Variants in ACBD6 observed in about 807,000 individuals in gnomAD.
ACBD6 encodes acyl-CoA binding domain containing 6.
In ACBD6, 28 loss-of-function variants were observed where a neutral mutation model predicts 37.2. The ratio of observed to expected loss-of-function variants is 0.75; its 90% CI spans 0.56 to 1.03. ACBD6 has a LOEUF of 1.03. ACBD6 is among the 50% of genes least tolerant of loss of function. ACBD6 has a pLI of 0.00. For missense variants in ACBD6, 340 were observed against 337.4 expected (o/e 1.01, Z -0.06); for synonymous variants, 113 against 126.8 (o/e 0.89, Z 0.73).
chr1:180,333,744 T>A (rs1183530201), intron 6 of ACBD6, among the ~76,000 whole-genome samples: 2 of 151,878 alleles, frequency 1.3e-5, no homozygotes, highest in Non-Finnish European at 2.9e-5. Flanking sequence ...GCGCAAGGGG[T>A]CAGGGAATTC....
chr1:180,427,228 A>C (rs1648617333), intron 4 of ACBD6, among the ~76,000 whole-genome samples: 1 of 152,218 alleles, frequency 6.6e-6, no homozygotes, highest in African/African-American at 2.4e-5. Flanking sequence ...GATTTGCCTG[A>C]TCTTTACAAA....
exon 14 of ACBD6, chr1:180,271,528 C>A (rs780186723): frequency 1.2e-6 from 2 of 1,614,080 alleles, no homozygotes. Flanking sequence ...ACATGAGGGT[C>A]GTACAGGTGA....
intron 6 of ACBD6, among the ~76,000 whole-genome samples, chr1:180,339,722 C>T (rs76548291): frequency 0.02 from 2,998 of 151,832 alleles, 101 homozygotes; most frequent in African/African-American, 0.067. Context: ...GTATCAACTA[C>T]GTGTTAGGCA....
chr1:180,392,467 T>C (rs1473143793), intron 6 of ACBD6, among the ~76,000 whole-genome samples: 1 of 152,188 alleles, frequency 6.6e-6, no homozygotes, highest in Admixed American at 6.5e-5. Flanking sequence ...ATACAAATTT[T>C]ACAGTGAATA....
intron 6 of ACBD6, among the ~76,000 whole-genome samples, chr1:180,348,048 TAA>T (rs1315322425): frequency 6.6e-6 from 1 of 152,184 alleles, no homozygotes; most frequent in African/African-American, 2.4e-5. Flanking sequence ...TGTATGTGTA[TAA>T]AGAGGTACTT....
At chr1:180,459,992 T>A (rs867437873) in intron 3 of ACBD6, among the ~76,000 whole-genome samples, 7 of 122,632 alleles carry the variant, frequency 5.7e-5, no homozygotes, top group South Asian at 2.7e-4. Context: ...TTTTTTTTTT[T>A]AATTATACTT....
At chr1:180,428,630 T>C (rs1481596528) in intron 4 of ACBD6, among the ~76,000 whole-genome samples, 1 of 152,206 alleles carries the variant, frequency 6.6e-6, no homozygotes, top group East Asian at 1.9e-4. Context: ...CTGTGATCAG[T>C]CACGTCATCA....
chr1:180,392,407 T>C (rs1448066569), intron 6 of ACBD6, among the ~76,000 whole-genome samples: 3 of 152,124 alleles, frequency 2.0e-5, no homozygotes, highest in Non-Finnish European at 2.9e-5. Flanking sequence ...TTATACTAAA[T>C]AGCTTTAAAA....
intron 6 of ACBD6, among the ~76,000 whole-genome samples, chr1:180,374,983 C>T (rs964164848): frequency 6.6e-6 from 1 of 151,842 alleles, no homozygotes; most frequent in African/African-American, 2.4e-5. Flanking sequence ...GGAAAGACAC[C>T]CTATATTCTT....
intron 6 of ACBD6, among the ~76,000 whole-genome samples, chr1:180,318,081 G>T (rs553492224): frequency 2.8e-5 from 4 of 144,962 alleles, no homozygotes; most frequent in Middle Eastern, 3.8e-3. Context: ...GGGATTGCTT[G>T]AACCCAGGAG....
chr1:180,284,425 G>A (rs946189678), downstream of ACBD6, among the ~76,000 whole-genome samples: 13 of 151,392 alleles, frequency 8.6e-5, no homozygotes, highest in Non-Finnish European at 1.9e-4. Flanking sequence ...GTGCAGTGGC[G>A]CGATCTTGGC....
At chr1:180,387,779 GTCCT>G (rs1230470003) in intron 6 of ACBD6, among the ~76,000 whole-genome samples, 3 of 152,106 alleles carry the variant, frequency 2.0e-5, no homozygotes, top group Non-Finnish European at 4.4e-5. Flanking sequence ...CCCTTTTCCT[GTCCT>G]TTGGCAAGAG....
intron 3 of ACBD6, among the ~76,000 whole-genome samples, chr1:180,489,147 CAGAG>C (rs1171321975): frequency 6.6e-6 from 1 of 151,828 alleles, no homozygotes; most frequent in African/African-American, 2.4e-5. Context: ...GCCTGGGTGA[CAGAG>C]AGAGACTCCA....
intron 3 of ACBD6, among the ~76,000 whole-genome samples, chr1:180,458,525 T>C (rs57451284): frequency 0.042 from 6,442 of 152,170 alleles, 432 homozygotes; most frequent in African/African-American, 0.14. Context: ...ATAATAAATG[T>C]GATTCATTTG....
intron 6 of ACBD6, among the ~76,000 whole-genome samples, chr1:180,351,438 G>C (rs1652415384): frequency 6.6e-6 from 1 of 151,952 alleles, no homozygotes; most frequent in African/African-American, 2.4e-5. Flanking sequence ...ACCATGCCTG[G>C]CTAATTTTTT....
intron 3 of ACBD6, among the ~76,000 whole-genome samples, chr1:180,450,089 G>C (rs1445326674): frequency 6.6e-6 from 1 of 151,376 alleles, no homozygotes; most frequent in African/African-American, 2.4e-5. Flanking sequence ...ATAAAGTATT[G>C]AACTTAGTAC....
chr1:180,367,806 G>C (rs969348843), intron 6 of ACBD6, among the ~76,000 whole-genome samples: 1 of 152,096 alleles, frequency 6.6e-6, no homozygotes, highest in Non-Finnish European at 1.5e-5. Flanking sequence ...GGGCATTTAG[G>C]TTGATTCTAT....
At chr1:180,328,308 C>CAT (rs1032282081) in intron 6 of ACBD6, among the ~76,000 whole-genome samples, 3 of 151,836 alleles carry the variant, frequency 2.0e-5, no homozygotes, top group African/African-American at 7.2e-5. Context: ...CACACACACA[C>CAT]ATACATACAC....
At chr1:180,457,967 ATTT>A (rs553301127) in intron 3 of ACBD6, among the ~76,000 whole-genome samples, 1 of 151,298 alleles carries the variant, frequency 6.6e-6, no homozygotes, top group African/African-American at 2.4e-5. Context: ...TAAATTTTGT[ATTT>A]TTTTTAGTAG....
Sources: allele counts gnomAD v4.1 joint callset (sites outside exome capture counted in the v4.1 genomes callset), GRCh38; gene constraint gnomAD v4.1.1; transcripts MANE v1.5; gene names NCBI Gene and HGNC (gene_info 2026-07-23, HGNC 2026-07-21).